Variants in GALNTL6 observed in about 807,000 individuals in gnomAD.
The protein encoded by GALNTL6 is polypeptide N-acetylgalactosaminyltransferase-like 6.
A neutral mutation model predicts 73.7 loss-of-function variants in GALNTL6; 46 were observed. That is an observed-to-expected ratio of 0.62 (90% CI 0.49 to 0.80). GALNTL6 has a LOEUF of 0.80. Ranked by LOEUF, GALNTL6 falls within the 30% of genes least tolerant of loss-of-function variation. GALNTL6 has a pLI of 0.00. For missense variants in GALNTL6, 604 were observed against 755.0 expected, an observed-to-expected ratio of 0.80 and a Z score of 2.34; for synonymous variants, 259 against 263.7, an observed-to-expected ratio of 0.98 and a Z score of 0.17.
chr4:172,155,288 G>A (rs1269338268), intron 2 of GALNTL6, among the ~76,000 whole-genome samples: 4 of 152,134 alleles, frequency 2.6e-5, no homozygotes. Flanking sequence ...GTGAGCCACC[G>A]CGCCCGGCCA....
chr4:171,935,971 A>G (rs906095758), intron 2 of GALNTL6, among the ~76,000 whole-genome samples: 13 of 152,172 alleles, frequency 8.5e-5, no homozygotes, highest in Non-Finnish European at 1.9e-4. Flanking sequence ...AGCCATACTA[A>G]TAATATAAAA....
At chr4:172,322,247 T>C (rs1740785258) in intron 4 of GALNTL6, among the ~76,000 whole-genome samples, 2 of 152,164 alleles carry the variant, frequency 1.3e-5, no homozygotes, top group South Asian at 4.1e-4. Flanking sequence ...TCACTTCTAT[T>C]CATGCCTGCT....
chr4:172,324,129 C>A (rs1331661897), intron 4 of GALNTL6, among the ~76,000 whole-genome samples: 1 of 151,798 alleles, frequency 6.6e-6, no homozygotes, highest in Admixed American at 6.6e-5. Flanking sequence ...TTCCAAATGT[C>A]ATATTTTACA....
At chr4:172,110,347 A>T (rs552632976) in intron 2 of GALNTL6, among the ~76,000 whole-genome samples, 1 of 152,216 alleles carries the variant, frequency 6.6e-6, no homozygotes, top group Non-Finnish European at 1.5e-5. Context: ...ATCGGAGGCC[A>T]TCAGTATAGC....
intron 2 of GALNTL6, among the ~76,000 whole-genome samples, chr4:171,951,863 T>C (rs930287361): frequency 3.3e-5 from 5 of 152,020 alleles, no homozygotes; most frequent in Non-Finnish European, 7.4e-5. Context: ...ATAGCAATAA[T>C]TTAGAAGCTA....
intron 2 of GALNTL6, among the ~76,000 whole-genome samples, chr4:171,834,810 C>T (rs191656927): frequency 3.3e-5 from 5 of 151,994 alleles, no homozygotes; most frequent in Admixed American, 2.0e-4. Flanking sequence ...ATAAAAGACT[C>T]GACTAGTGGC....
intron 2 of GALNTL6, among the ~76,000 whole-genome samples, chr4:172,114,658 A>G (rs1184553509): frequency 2.6e-5 from 4 of 152,142 alleles, no homozygotes; most frequent in Non-Finnish European, 5.9e-5. Context: ...TGACAATTTA[A>G]TTAGGATTAA....
intron 5 of GALNTL6, among the ~76,000 whole-genome samples, chr4:172,581,188 GTAAAGA>G (rs1360138569): frequency 2.0e-5 from 3 of 151,700 alleles, no homozygotes; most frequent in Non-Finnish European, 4.4e-5. Flanking sequence ...CCAGGGTAAA[GTAAAGA>G]TAAACATATA....
At chr4:172,376,663 G>A (rs57765905) in intron 5 of GALNTL6, among the ~76,000 whole-genome samples, 228 of 152,228 alleles carry the variant, frequency 1.5e-3, no homozygotes, top group African/African-American at 4.2e-3. Context: ...AAAGGGGTCC[G>A]ATGGTACTCA....
chr4:172,642,963 A>C (rs1184453689), intron 5 of GALNTL6, among the ~76,000 whole-genome samples: 1 of 151,908 alleles, frequency 6.6e-6, no homozygotes. Flanking sequence ...TAAATTATAT[A>C]ATTTCTGTTG....
chr4:172,010,841 C>T (rs531485027), intron 2 of GALNTL6, among the ~76,000 whole-genome samples: 6 of 152,070 alleles, frequency 3.9e-5, no homozygotes, highest in Middle Eastern at 3.4e-3. Flanking sequence ...GTTGACACAA[C>T]GCCATCCGAA....
At chr4:171,948,448 C>T (rs1440265972) in intron 2 of GALNTL6, among the ~76,000 whole-genome samples, 1 of 152,010 alleles carries the variant, frequency 6.6e-6, no homozygotes, top group African/African-American at 2.4e-5. Flanking sequence ...GGTAAATTTG[C>T]CACTAATGAA....
chr4:172,011,948 ACTAAGACCTTG>A (rs1741022033), intron 2 of GALNTL6, among the ~76,000 whole-genome samples: 1 of 152,058 alleles, frequency 6.6e-6, no homozygotes, highest in African/African-American at 2.4e-5. Context: ...TTAATGGTGA[ACTAAGACCTTG>A]CTAAGTAATG....
At chr4:172,017,508 G>T (rs558905276) in intron 2 of GALNTL6, among the ~76,000 whole-genome samples, 1 of 152,136 alleles carries the variant, frequency 6.6e-6, no homozygotes, top group South Asian at 2.1e-4. Context: ...GCAGTACAGT[G>T]CCAGGGGAGA....
chr4:172,479,998 G>A (rs1313972905), intron 5 of GALNTL6, among the ~76,000 whole-genome samples: 1 of 152,120 alleles, frequency 6.6e-6, no homozygotes, highest in Non-Finnish European at 1.5e-5. Flanking sequence ...GACAATTCTA[G>A]CCAGAGGATT....
At chr4:171,845,350 C>T (rs1185503020) in intron 2 of GALNTL6, among the ~76,000 whole-genome samples, 2 of 152,134 alleles carry the variant, frequency 1.3e-5, no homozygotes, top group Admixed American at 1.3e-4. Context: ...GAAAGAAAAA[C>T]TTGAAATGAT....
intron 2 of GALNTL6, among the ~76,000 whole-genome samples, chr4:172,008,701 A>G (rs1257258248): frequency 2.6e-5 from 4 of 152,000 alleles, no homozygotes; most frequent in Non-Finnish European, 5.9e-5. Flanking sequence ...GGAATCCTTT[A>G]CACTTCTCCT....
chr4:172,202,918 T>C (rs770298032), intron 2 of GALNTL6, among the ~76,000 whole-genome samples: 4 of 152,168 alleles, frequency 2.6e-5, no homozygotes, highest in Non-Finnish European at 5.9e-5. Context: ...AAATCAAAAT[T>C]AGGCTTGAGA....
intron 2 of GALNTL6, among the ~76,000 whole-genome samples, chr4:171,818,246 A>G (rs1023314709): frequency 6.6e-6 from 1 of 151,830 alleles, no homozygotes; most frequent in African/African-American, 2.4e-5. Flanking sequence ...ATTTTAGAAC[A>G]AAACTACTAT....
Sources: gnomAD v4.1 joint callset for allele counts (sites outside exome capture counted in the v4.1 genomes callset) on GRCh38, gnomAD v4.1.1 for gene constraint, MANE v1.5 for transcripts, NCBI Gene and HGNC (gene_info 2026-07-23, HGNC 2026-07-21) for gene names.